The following RBFOX1 variants were observed in gnomAD, a reference collection of about 807,000 sequenced individuals.
The protein encoded by RBFOX1 is RNA binding fox-1 homolog 1.
A neutral mutation model predicts 57.7 loss-of-function variants in RBFOX1; 8 were observed. The observed-to-expected ratio is 0.14, with a 90% confidence interval of 0.08 to 0.25. The LOEUF is 0.25. Ranked by LOEUF, RBFOX1 falls within the 10% of genes least tolerant of loss-of-function variation. RBFOX1 has a pLI of 1.00. For synonymous variants in RBFOX1, 326 were observed against 222.4 expected (o/e 1.47, Z -4.15); for missense variants, 611 against 548.5 (o/e 1.11, Z -1.14).
At chr16:6,296,257 G>C (rs1318670024) in intron 1 of RBFOX1, among the ~76,000 whole-genome samples, 1 of 152,134 alleles carries the variant, frequency 6.6e-6, no homozygotes. Context: ...GATTTTCAAA[G>C]AAGAAAGGGG....
At chr16:5,415,110 A>G (rs1033870205) in intron 1 of RBFOX1, among the ~76,000 whole-genome samples, 6 of 152,188 alleles carry the variant, frequency 3.9e-5, no homozygotes, top group Admixed American at 6.5e-5. Context: ...CACACCGTGT[A>G]TTAGTCCTTT....
intron 3 of RBFOX1, among the ~76,000 whole-genome samples, chr16:6,952,308 A>G (rs2080931757): frequency 6.6e-6 from 1 of 152,192 alleles, no homozygotes; most frequent in South Asian, 2.1e-4. Flanking sequence ...TGTGTGCAAA[A>G]AAGTAGAACT....
Position 7,489,512 on chromosome 16 carries a change from A to AT in RBFOX1, c.28-28633dup, listed in dbSNP as rs1201826259. On this transcript the variant is annotated intron_variant, in intron 4 of 15. Transcript: ENST00000550418. ...GAGGCTTGGAGAGAGAATTATTATT[A>AT]TTATTTTTTTTTTGAGATAGAGTCT... Among the ~76,000 whole-genome samples the AT allele has an allele frequency of 4.1e-3, 459 of 111,404 alleles. 3 individuals are homozygous for AT. The highest frequency in any genetic ancestry group is 0.014 in the African/African-American group (433 of 31,824). The allele number at this position is 111,404 out of a possible 152,430, so 73.1% of individuals were successfully genotyped here. A position where few individuals can be genotyped will look rare whatever the true frequency, so the allele number is the denominator to read the frequency against.
chr16:7,698,188 G>GTC (rs1269013685), intron 14 of RBFOX1, among the ~76,000 whole-genome samples: 15 of 37,812 alleles, frequency 4.0e-4, no homozygotes, highest in Non-Finnish European at 7.3e-4. Flanking sequence ...AAGAGGGTGT[G>GTC]TGTGTGTGTG....
At chr16:5,641,326 T>C (rs904843763) in intron 3 of RBFOX1, among the ~76,000 whole-genome samples, 1 of 152,238 alleles carries the variant, frequency 6.6e-6, no homozygotes, top group African/African-American at 2.4e-5. Flanking sequence ...TCTGATCTCA[T>C]GGGCAATATA....
intron 3 of RBFOX1, among the ~76,000 whole-genome samples, chr16:6,980,775 G>A (rs2088560654): frequency 6.6e-6 from 1 of 152,136 alleles, no homozygotes; most frequent in Non-Finnish European, 1.5e-5. Context: ...AGGTACAGTA[G>A]CTCATGCCTG....
intron 4 of RBFOX1, among the ~76,000 whole-genome samples, chr16:7,503,758 A>C (rs1039666545): frequency 6.6e-6 from 1 of 152,164 alleles, no homozygotes; most frequent in African/African-American, 2.4e-5. Flanking sequence ...TTTCCCTTAC[A>C]AAAATTCACT....
chr16:7,118,386 C>T (rs1367705227), intron 4 of RBFOX1, among the ~76,000 whole-genome samples: 2 of 152,130 alleles, frequency 1.3e-5, no homozygotes, highest in Middle Eastern at 3.4e-3. Flanking sequence ...TGGCTATTCT[C>T]ATCTTCTGAG....
chr16:5,771,388 G>A (rs1040453326), intron 3 of RBFOX1, among the ~76,000 whole-genome samples: 5 of 152,138 alleles, frequency 3.3e-5, no homozygotes, highest in African/African-American at 1.2e-4. Flanking sequence ...CTCAAGATAA[G>A]TATTTCATTG....
At chr16:6,137,157 C>T (rs781333366) in intron 1 of RBFOX1, among the ~76,000 whole-genome samples, 7 of 152,134 alleles carry the variant, frequency 4.6e-5, no homozygotes, top group South Asian at 2.1e-4. Context: ...TCCACAGTTG[C>T]GTACAAATTT....
chr16:6,430,691 G>A (rs549328949), intron 2 of RBFOX1, among the ~76,000 whole-genome samples: 71 of 152,152 alleles, frequency 4.7e-4, no homozygotes, highest in African/African-American at 1.6e-3. Flanking sequence ...ATGCTGTGAT[G>A]GGAAGTTTAG....
chr16:7,671,684 A>AGG, intron 13 of RBFOX1: 1 of 1,249,858 alleles, frequency 8.0e-7, no homozygotes, highest in South Asian at 1.2e-5. Flanking sequence ...AATTCTGGGG[A>AGG]GGGGAACAGT....
intron 4 of RBFOX1, among the ~76,000 whole-genome samples, chr16:7,441,589 A>G (rs967818745): frequency 1.2e-4 from 18 of 152,020 alleles, no homozygotes; most frequent in Non-Finnish European, 1.5e-5. Context: ...CACCCATATG[A>G]TTTGTTTTTG....
intron 3 of RBFOX1, among the ~76,000 whole-genome samples, chr16:6,955,605 G>C (rs2081626215): frequency 6.6e-6 from 1 of 151,586 alleles, no homozygotes; most frequent in Non-Finnish European, 1.5e-5. Context: ...GCATTGTATT[G>C]CCCATGTGAC....
chr16:6,633,786 A>G (rs2098409162), intron 2 of RBFOX1, among the ~76,000 whole-genome samples: 1 of 152,140 alleles, frequency 6.6e-6, no homozygotes, highest in Non-Finnish European at 1.5e-5. Flanking sequence ...AGGCAGGAAG[A>G]TCACTTGAGT....
intron 2 of RBFOX1, among the ~76,000 whole-genome samples, chr16:6,377,814 C>T (rs2091362558): frequency 6.6e-6 from 1 of 152,176 alleles, no homozygotes; most frequent in South Asian, 2.1e-4. Context: ...TGGTAGGCCA[C>T]ACATAACAGA....
intron 2 of RBFOX1, among the ~76,000 whole-genome samples, chr16:6,571,092 T>A (rs2097338390): frequency 6.6e-6 from 1 of 152,216 alleles, no homozygotes; most frequent in South Asian, 2.1e-4. Context: ...GGATTCACAT[T>A]TGCAAGTTTG....
intron 3 of RBFOX1, among the ~76,000 whole-genome samples, chr16:6,805,699 C>T (rs1221334863): frequency 6.7e-6 from 1 of 149,852 alleles, no homozygotes; most frequent in Non-Finnish European, 1.5e-5. Flanking sequence ...TCCTTACCAT[C>T]TTGTCCATTC....
chr16:7,533,203 A>G (rs892201389), intron 5 of RBFOX1, among the ~76,000 whole-genome samples: 3 of 152,192 alleles, frequency 2.0e-5, no homozygotes, highest in African/African-American at 7.2e-5. Flanking sequence ...GTTGTTTTTA[A>G]TAAAAGATTT....
Sources: gnomAD v4.1 joint callset for allele counts (sites outside exome capture counted in the v4.1 genomes callset) on GRCh38, gnomAD v4.1.1 for gene constraint, MANE v1.5 for transcripts, NCBI Gene and HGNC (gene_info 2026-07-23, HGNC 2026-07-21) for gene names.